CACNA1E: variants seen among roughly 807,000 people sequenced by gnomAD.
CACNA1E encodes the protein voltage-dependent R-type calcium channel subunit alpha-1E.
In CACNA1E, 40 loss-of-function variants were observed where a neutral mutation model predicts 259.2. The ratio of observed to expected loss-of-function variants is 0.15; its 90% confidence interval spans 0.12 to 0.20. The LOEUF (loss-of-function observed/expected upper bound fraction) is 0.20. CACNA1E is among the 10% of genes least tolerant of loss of function. The pLI, the probability that CACNA1E is intolerant of heterozygous loss-of-function variation, is 1.00. For synonymous variants in CACNA1E, 1,104 were observed against 1,138.5 expected (o/e 0.97, Z 0.61); for missense variants, 1,874 against 3,040.1 (o/e 0.62, Z 9.02).
chr1:181,747,450 A>ATTTTTT (rs60393528), intron 25 of CACNA1E, among the ~76,000 whole-genome samples: 1 of 122,874 alleles, frequency 8.1e-6, no homozygotes. Context: ...AAAATCTGTC[A>ATTTTTT]TTTTTTTTTT....
At chr1:181,547,040 T>G (rs551839144) in intron 3 of CACNA1E, among the ~76,000 whole-genome samples, 24 of 152,282 alleles carry the variant, frequency 1.6e-4, no homozygotes, top group African/African-American at 5.8e-4. Context: ...CTTGCCGTCA[T>G]TTTCTCCCCA....
intron 1 of CACNA1E, among the ~76,000 whole-genome samples, chr1:181,374,581 G>T (rs1348085792): frequency 2.7e-5 from 4 of 148,092 alleles, no homozygotes; most frequent in African/African-American, 1.0e-4. Context: ...TCCCATCTCA[G>T]CCTCCTGAAC....
Position 181,758,893 on chromosome 1 carries a change from A to C in CACNA1E, c.4605+25A>C. 1 of 1,279,096 alleles carries C rather than the reference A, an allele frequency of 7.8e-7. No homozygotes were observed. The highest frequency in any genetic ancestry group is 1.7e-5 in the Admixed American group (1 of 58,590). 79.2% of individuals were successfully genotyped at this position (1,279,096 alleles called of 1,614,324 possible). On this transcript the variant is annotated intron_variant, in intron 32 of 47. Coordinates refer to ENST00000367573, the MANE Select transcript of CACNA1E (RefSeq NM_001205293.3). The surrounding 1 kb of genome is among the most constrained non-coding windows in gnomAD (Gnocchi z 4.2). ...GGTATGTTGCTGAATCCTTCCCAGCACTGGGCTTGTCTCTTTCTGTTGGGT... is the reference window on the plus strand; with the variant it reads ...GGTATGTTGCTGAATCCTTCCCAGCCCTGGGCTTGTCTCTTTCTGTTGGGT...
chr1:181,782,759 T>C (rs1395843258), intron 39 of CACNA1E, among the ~76,000 whole-genome samples: 1 of 152,192 alleles, frequency 6.6e-6, no homozygotes, highest in Non-Finnish European at 1.5e-5. Context: ...TGGCTCCTCG[T>C]GCACAGCTTA....
chr1:181,577,711 A>C, intron 3 of CACNA1E, 55 bp from the exon 4 acceptor site: 1 of 1,208,440 alleles, frequency 8.3e-7, no homozygotes, highest in South Asian at 1.3e-5. Flanking sequence ...CCTGCATGGA[A>C]CAAGAGGGGA....
intron 3 of CACNA1E, among the ~76,000 whole-genome samples, chr1:181,527,790 T>C (rs904611478): frequency 3.3e-5 from 5 of 152,210 alleles, no homozygotes; most frequent in African/African-American, 1.2e-4. Flanking sequence ...GTTGTTTTTG[T>C]TGCTTTCCAA....
intron 6 of CACNA1E, among the ~76,000 whole-genome samples, chr1:181,584,870 G>A (rs949252860): frequency 6.6e-6 from 1 of 152,228 alleles, no homozygotes; most frequent in Non-Finnish European, 1.5e-5. Flanking sequence ...AGAGTGATAA[G>A]ATGAACCAAC....
chr1:181,595,571 G>C (rs1653076898), intron 6 of CACNA1E, among the ~76,000 whole-genome samples: 1 of 152,168 alleles, frequency 6.6e-6, no homozygotes, highest in Admixed American at 6.5e-5. Flanking sequence ...TCCTCTCTCT[G>C]TGACAGGTTC....
chr1:181,774,663 AGAG>A (rs933109448), intron 37 of CACNA1E, among the ~76,000 whole-genome samples: 2 of 152,232 alleles, frequency 1.3e-5, no homozygotes, highest in Non-Finnish European at 2.9e-5. Context: ...AAAAGAAGGA[AGAG>A]AAGAGTCTGG....
Position 181,475,782 on chromosome 1 carries a change from A to G in CACNA1E, c.435-7962A>G, listed in dbSNP as rs1483354729. On this transcript the variant is annotated intron_variant, in intron 2 of 11. Coordinates refer to the CACNA1E transcript ENST00000524607. ...GCTTTGAAGGATTTACAATGACGTC[A>G]CTTTTACACATATTGAGTCTGGGGA... Among the ~76,000 whole-genome samples, 3 of 152,316 alleles carry G rather than the reference A, an allele frequency of 2.0e-5. No homozygotes were observed. The East Asian group carries it at 5.8e-4, about 29-fold the overall frequency.
intron 3 of CACNA1E, among the ~76,000 whole-genome samples, chr1:181,559,418 C>T (rs115503339): frequency 2.9e-4 from 44 of 152,128 alleles, no homozygotes; most frequent in African/African-American, 1.0e-3. Flanking sequence ...TTGGGCACTT[C>T]GTTTCAGTAA....
chr1:181,711,028 A>C lies in CACNA1E; in HGVS notation c.1130A>C (p.Glu377Ala). 1 of 1,613,950 alleles carries C rather than the reference A, an allele frequency of 6.2e-7. No homozygotes were observed. The highest frequency in any genetic ancestry group is 8.5e-7 in the Non-Finnish European group (1 of 1,179,866). Residue 377 changes from glutamate to alanine, a missense_variant, in exon 8 of 48, where the codon GAG (glutamate) becomes GCG (alanine). Glu to Ala is a moderately radical substitution (Grantham distance 107, BLOSUM62 -1). This residue lies in a region of CACNA1E where 157 missense variants were observed against 203.5 expected (regional missense o/e 0.77). Coordinates refer to ENST00000367573, the MANE Select transcript of CACNA1E (RefSeq NM_001205293.3). ...FMKLRRQQQI[E>A]RELNGYRAWI... ...AAGCTGCGGCGCCAGCAGCAGATTG[A>C]GCGTGAGCTGAATGGCTACCGTGCC...
chr1:181,780,935 G>A (rs1052752556), intron 38 of CACNA1E, among the ~76,000 whole-genome samples: 2 of 152,118 alleles, frequency 1.3e-5, no homozygotes, highest in African/African-American at 4.8e-5. Context: ...CCAGGCCAGC[G>A]CCCCAGCCGG....
At chr1:181,604,859 G>A (rs1247506029) in intron 6 of CACNA1E, among the ~76,000 whole-genome samples, 2 of 152,180 alleles carry the variant, frequency 1.3e-5, no homozygotes, top group African/African-American at 2.4e-5. Context: ...CTTAACAGAG[G>A]TCAGAGTGAA....
At chr1:181,482,125 T>A (rs1341052993), upstream of CACNA1E, among the ~76,000 whole-genome samples, 1 of 152,114 alleles carries the variant, frequency 6.6e-6, no homozygotes, top group African/African-American at 2.4e-5. Flanking sequence ...TCCCAGGTGC[T>A]AAGTGGGGAG....
chr1:181,439,962 G>T (rs1381926191), intron 2 of CACNA1E, among the ~76,000 whole-genome samples: 1 of 152,206 alleles, frequency 6.6e-6, no homozygotes, highest in Non-Finnish European at 1.5e-5. Context: ...TCTAGATCAA[G>T]TGGTAAACAG....
chr1:181,344,699 G>A (rs1652452435), intron 1 of CACNA1E, among the ~76,000 whole-genome samples: 1 of 152,196 alleles, frequency 6.6e-6, no homozygotes, highest in Non-Finnish European at 1.5e-5. Flanking sequence ...CACTTGACAT[G>A]AATGTTGGAG....
chr1:181,711,588 T>C (rs780017872), intron 8 of CACNA1E, among the ~76,000 whole-genome samples: 3 of 152,134 alleles, frequency 2.0e-5, no homozygotes, highest in Non-Finnish European at 4.4e-5. Context: ...GTAAATATGA[T>C]GGGAAAACTG....
intron 6 of CACNA1E, among the ~76,000 whole-genome samples, chr1:181,640,451 C>T (rs1349731361): frequency 6.6e-6 from 1 of 152,182 alleles, no homozygotes; most frequent in Non-Finnish European, 1.5e-5. Flanking sequence ...AGGAGTGTTT[C>T]CTGTGGCCAC....
Sources: gnomAD v4.1 joint callset for allele counts (sites outside exome capture counted in the v4.1 genomes callset) on GRCh38, gnomAD v4.1.1 for gene constraint, gnomAD v4.1.1 regional missense constraint, Gnocchi (gnomAD v3.1) non-coding constraint, MANE v1.5 for transcripts, NCBI Gene and HGNC (gene_info 2026-07-23, HGNC 2026-07-21) for gene names.